The following CDK6 variants were observed in gnomAD, a reference collection of about 807,000 sequenced individuals.
The protein encoded by CDK6 is cyclin dependent kinase 6, also known as cyclin-dependent kinase 6.
CDK6 carries 6 observed loss-of-function variants against 37.1 expected under a neutral mutation model. The ratio of observed to expected loss-of-function variants is 0.16; its 90% CI spans 0.09 to 0.32. The LOEUF is 0.32. Among genes scored for constraint, CDK6 ranks in the 10% least tolerant of loss-of-function variants. The pLI is 1.00. For missense variants in CDK6, 224 were observed against 418.9 expected, an observed-to-expected ratio of 0.53 and a Z score of 4.06; for synonymous variants, 160 against 161.3, an observed-to-expected ratio of 0.99 and a Z score of 0.06.
chr7:92,663,130 G>A (rs1487252556), intron 5 of CDK6, among the ~76,000 whole-genome samples: 2 of 152,142 alleles, frequency 1.3e-5, no homozygotes, highest in Non-Finnish European at 2.9e-5. Flanking sequence ...TAGTAAGAGG[G>A]AAGCAATGGC....
At chr7:92,786,456 C>A (rs1466411944) in intron 2 of CDK6, among the ~76,000 whole-genome samples, 1 of 152,046 alleles carries the variant, frequency 6.6e-6, no homozygotes, top group Non-Finnish European at 1.5e-5. Context: ...CTTAAAGCAA[C>A]ACAAATGAAA....
At chr7:92,764,528 TATG>T (rs1231570380) in intron 3 of CDK6, among the ~76,000 whole-genome samples, 3 of 152,188 alleles carry the variant, frequency 2.0e-5, no homozygotes, top group Non-Finnish European at 4.4e-5. Context: ...TAATTAAATA[TATG>T]AATCCATATT....
At chr7:92,632,613 C>A (rs1412066429) in intron 5 of CDK6, among the ~76,000 whole-genome samples, 1 of 151,850 alleles carries the variant, frequency 6.6e-6, no homozygotes, top group Non-Finnish European at 1.5e-5. Context: ...TTTTACTGGC[C>A]CAACAGCAAG....
intron 3 of CDK6, among the ~76,000 whole-genome samples, chr7:92,752,294 T>C (rs1198701395): frequency 6.6e-6 from 1 of 152,200 alleles, no homozygotes; most frequent in African/African-American, 2.4e-5. Flanking sequence ...GACTAGACAA[T>C]GTCTTCCAAT....
chr7:92,742,742 T>TACAC (rs57808535), intron 3 of CDK6, among the ~76,000 whole-genome samples: 15,329 of 150,504 alleles, frequency 0.1, 868 homozygotes, highest in South Asian at 0.21. Context: ...CATATATATA[T>TACAC]ACACACACAC....
chr7:92,616,888 A>G (rs1157644797), intron 7 of CDK6, among the ~76,000 whole-genome samples: 1 of 152,138 alleles, frequency 6.6e-6, no homozygotes, highest in African/African-American at 2.4e-5. Flanking sequence ...ATTTTGTCCT[A>G]TAGAAATATG....
At chr7:92,631,383 G>A (rs1163827750) in intron 5 of CDK6, among the ~76,000 whole-genome samples, 1 of 152,012 alleles carries the variant, frequency 6.6e-6, no homozygotes, top group Non-Finnish European at 1.5e-5. Context: ...ATTTCAGTGG[G>A]GCAGGCTGTT....
At chr7:92,832,671 T>A (rs541956061) in intron 2 of CDK6, among the ~76,000 whole-genome samples, 2 of 152,184 alleles carry the variant, frequency 1.3e-5, no homozygotes, top group African/African-American at 4.8e-5. Context: ...ATCCTCATTC[T>A]CCAGTCTCAC....
chr7:92,621,911 C>G (rs1314806774), intron 6 of CDK6, among the ~76,000 whole-genome samples: 1 of 152,012 alleles, frequency 6.6e-6, no homozygotes, highest in African/African-American at 2.4e-5. Flanking sequence ...CTTCTAGTCA[C>G]TAAAAGAACA....
intron 3 of CDK6, among the ~76,000 whole-genome samples, chr7:92,727,840 G>A (rs1385261779): frequency 1.3e-5 from 2 of 152,138 alleles, no homozygotes; most frequent in East Asian, 3.9e-4. Context: ...TGAATAAACA[G>A]GAGTGTGAAA....
chr7:92,744,693 T>A (rs926125087), intron 3 of CDK6, among the ~76,000 whole-genome samples: 3 of 152,218 alleles, frequency 2.0e-5, no homozygotes, highest in Admixed American at 1.3e-4. Context: ...AAAACTATTA[T>A]ATGAATGTAC....
chr7:92,731,508 G>C (rs752041113), intron 3 of CDK6, among the ~76,000 whole-genome samples: 1 of 152,192 alleles, frequency 6.6e-6, no homozygotes, highest in Non-Finnish European at 1.5e-5. Flanking sequence ...TGCATGATGA[G>C]TCAGGCACAC....
intron 3 of CDK6, among the ~76,000 whole-genome samples, chr7:92,730,360 C>G (rs1255154254): frequency 6.6e-6 from 1 of 152,168 alleles, no homozygotes; most frequent in Non-Finnish European, 1.5e-5. Context: ...AGTGGTTTGT[C>G]TGTTTCCTAT....
chr7:92,757,143 TA>T (rs1799337595), intron 3 of CDK6, among the ~76,000 whole-genome samples: 1 of 152,216 alleles, frequency 6.6e-6, no homozygotes, highest in African/African-American at 2.4e-5. Context: ...CAAAGTACTG[TA>T]ATATTGATTT....
chr7:92,806,587 A>G (rs1359221932), intron 2 of CDK6, among the ~76,000 whole-genome samples: 1 of 152,218 alleles, frequency 6.6e-6, no homozygotes, highest in Non-Finnish European at 1.5e-5. Flanking sequence ...TTACCTATAC[A>G]TTTAAAGCAG....
intron 4 of CDK6, among the ~76,000 whole-genome samples, chr7:92,705,943 C>G (rs1273188359): frequency 6.6e-6 from 1 of 152,202 alleles, no homozygotes; most frequent in Non-Finnish European, 1.5e-5. Context: ...TAAAACAAAA[C>G]AAGACAGTGC....
rs1236224314 is a variant in CDK6, at chr7:92,609,825, G to A, written c.*5315C>T. On this transcript the variant is annotated 3_prime_UTR_variant, in exon 8 of 8. Coordinates refer to ENST00000424848, the MANE Select transcript of CDK6 (RefSeq NM_001145306.2). ...GTACTTCAAAAATTTTTTCTTGACT[G>A]AATGAATGACTAGGCTTTCTTTACT... The A allele has an allele frequency of 4.3e-6, 1 of 230,546 alleles. No homozygotes were observed. Among genetic ancestry groups the A allele is most frequent in the South Asian group, 1.8e-4 (1 of 5,498 alleles). 14.3% of individuals were successfully genotyped at this position (230,546 alleles called of 1,614,324 possible).
At chr7:92,816,409 G>A (rs1440189978) in intron 2 of CDK6, among the ~76,000 whole-genome samples, 1 of 152,140 alleles carries the variant, frequency 6.6e-6, no homozygotes, top group Admixed American at 6.6e-5. Context: ...TAAGCTATAT[G>A]TTGGACCAAA....
intron 5 of CDK6, among the ~76,000 whole-genome samples, chr7:92,665,803 C>T (rs1796943340): frequency 6.6e-6 from 1 of 152,188 alleles, no homozygotes; most frequent in Non-Finnish European, 1.5e-5. Context: ...CAAACAACAG[C>T]AATGGCAGAA....
Sources: allele counts gnomAD v4.1 joint callset (sites outside exome capture counted in the v4.1 genomes callset), GRCh38; gene constraint gnomAD v4.1.1; transcripts MANE v1.5; gene names NCBI Gene and HGNC (gene_info 2026-07-23, HGNC 2026-07-21).